SLC25A17: variants seen among roughly 807,000 people sequenced by gnomAD.
The protein encoded by SLC25A17 is solute carrier family 25 member 17.
A neutral mutation model predicts 38.5 loss-of-function variants in SLC25A17; 26 were observed. That is an observed-to-expected ratio of 0.68 (90% CI 0.50 to 0.94). SLC25A17 has a LOEUF of 0.94. Ranked by LOEUF, SLC25A17 falls within the 40% of genes least tolerant of loss-of-function variation. SLC25A17 has a pLI of 0.00. For synonymous variants in SLC25A17, 139 were observed against 136.2 expected (o/e 1.02, Z -0.14); for missense variants, 333 against 372.7 (o/e 0.89, Z 0.88).
rs150203846 is a variant in SLC25A17, at chr22:40,805,346, G to A, written c.55-6263C>T. 4.6e-5 allele frequency among the ~76,000 whole-genome samples: 7 copies of A among 152,328 alleles called. No individual in the cohort carries two copies. In the East Asian group the frequency reaches 1.4e-3, roughly 29 times the overall value. The stretch of plus-strand genomic sequence containing the variant: ...CTAGCCTGGGCAACAGAGTGAGTGA[G>A]ACTTCGTCTCAAAAAAAGATAGCAG... On this transcript the variant is annotated intron_variant, in intron 1 of 8. Transcript: ENST00000435456.
In SLC25A17 at chr22:40,819,340, G is replaced by C; in HGVS notation, c.-92C>G. 3 of 1,308,484 alleles carry C rather than the reference G, an allele frequency of 2.3e-6. No individual in the cohort carries two copies. Among genetic ancestry groups the C allele is most frequent in the South Asian group, 1.2e-5 (1 of 82,862 alleles). The allele number at this position is 1,308,484 out of a possible 1,614,324, so 81.1% of individuals were successfully genotyped here. On this transcript the variant is annotated 5_prime_UTR_variant, in exon 1 of 9. Transcript: ENST00000435456. ...AGGAGCACCGGAGCTCAGGGTGTGA[G>C]AGTCGCAATCCCCGCCCTCTCAAAC...
intron 1 of SLC25A17, among the ~76,000 whole-genome samples, chr22:40,818,880 G>C (rs541046411): frequency 6.6e-6 from 1 of 152,278 alleles, no homozygotes; most frequent in South Asian, 2.1e-4. Context: ...GTAAAGCAAA[G>C]TGTGTGAGTG....
intron 4 of SLC25A17, among the ~76,000 whole-genome samples, chr22:40,781,868 T>A (rs973951820): frequency 6.6e-6 from 1 of 151,944 alleles, no homozygotes; most frequent in African/African-American, 2.4e-5. Context: ...CAATTCCAAC[T>A]CCTGACAGGC....
intron 1 of SLC25A17, among the ~76,000 whole-genome samples, chr22:40,816,987 C>T (rs2057647704): frequency 6.6e-6 from 1 of 152,190 alleles, no homozygotes; most frequent in Non-Finnish European, 1.5e-5. Flanking sequence ...GTACTCCTTG[C>T]ACCTAGAACA....
intron 5 of SLC25A17, among the ~76,000 whole-genome samples, chr22:40,777,741 C>T (rs1172098508): frequency 2.0e-5 from 3 of 149,486 alleles, no homozygotes; most frequent in African/African-American, 7.4e-5. Context: ...AAGATTGTGC[C>T]ACTGCACTCC....
At position 40,792,605 on chromosome 22, in the gene SLC25A17, G is replaced by C; in HGVS notation, c.254C>G (p.Thr85Ser). The change falls in exon 4 of 9, where the codon ACT becomes AGT. Residue 85 changes from threonine (T) to serine (S), a missense_variant. By Grantham distance (58) the Thr-to-Ser change is moderately conservative. Coordinates refer to ENST00000435456, the MANE Select transcript of SLC25A17 (RefSeq NM_006358.4). Reference sequence around the variant, plus strand: ...CCAGAGTGCTTTGAGGCTATTAAAAGTGTAGAAATAGACAAAATTGGAGCA... The same window carrying C: ...CCAGAGTGCTTTGAGGCTATTAAAACTGTAGAAATAGACAAAATTGGAGCA... ...LCCSNFVYFY[T>S]FNSLKALWVK... 1.2e-6 allele frequency: 2 copies of C among 1,614,050 alleles called. No individual in the cohort carries two copies. The highest frequency in any genetic ancestry group is 1.1e-5 in the South Asian group (1 of 91,076).
At chr22:40,796,914 T>C (rs1291661384) in intron 2 of SLC25A17, among the ~76,000 whole-genome samples, 1 of 152,070 alleles carries the variant, frequency 6.6e-6, no homozygotes, top group African/African-American at 2.4e-5. Context: ...TCAGAAGGCA[T>C]CTAAAACATA....
At chr22:40,795,628 T>C (rs1245250742) in intron 2 of SLC25A17, among the ~76,000 whole-genome samples, 4 of 152,106 alleles carry the variant, frequency 2.6e-5, no homozygotes, top group South Asian at 2.1e-4. Context: ...CATAAAGCTC[T>C]CTTGTTTTAT....
intron 2 of SLC25A17, among the ~76,000 whole-genome samples, chr22:40,796,068 C>G (rs1429387065): frequency 6.6e-6 from 1 of 152,066 alleles, no homozygotes; most frequent in African/African-American, 2.4e-5. Flanking sequence ...GGATTACAGG[C>G]GTCAGCCACC....
chr22:40,785,690 A>T (rs906506413), intron 4 of SLC25A17, among the ~76,000 whole-genome samples: 32 of 152,172 alleles, frequency 2.1e-4, no homozygotes, highest in African/African-American at 7.7e-4. Context: ...TGAACAGAGA[A>T]ATGACATGAT....
At chr22:40,791,576 C>G (rs1243179918) in intron 4 of SLC25A17, among the ~76,000 whole-genome samples, 1 of 152,048 alleles carries the variant, frequency 6.6e-6, no homozygotes, top group Non-Finnish European at 1.5e-5. Context: ...AAAAAATAGA[C>G]AAAGAACCAG....
intron 7 of SLC25A17, among the ~76,000 whole-genome samples, chr22:40,774,692 T>C (rs1023545599): frequency 6.6e-6 from 1 of 152,234 alleles, no homozygotes; most frequent in Non-Finnish European, 1.5e-5. Context: ...ATTTAGAACA[T>C]CTGCAGTCTA....
chr22:40,775,243 T>C (rs1427517909), intron 7 of SLC25A17, among the ~76,000 whole-genome samples: 1 of 152,138 alleles, frequency 6.6e-6, no homozygotes, highest in Non-Finnish European at 1.5e-5. Context: ...ATAGAGGCCT[T>C]CTTTCAGTCC....
intron 2 of SLC25A17, 132 bp downstream of exon 2, chr22:40,798,891 C>A (rs948374575): frequency 2.0e-5 from 12 of 602,728 alleles, no homozygotes; most frequent in Non-Finnish European, 3.2e-5. Flanking sequence ...TGCAGTGAGC[C>A]GAGATCATGC....
chr22:40,771,739 G>A (rs2145638953), intron 8 of SLC25A17, among the ~76,000 whole-genome samples: 1 of 152,160 alleles, frequency 6.6e-6, no homozygotes, highest in Non-Finnish European at 1.5e-5. Context: ...GGGAAGGTGG[G>A]GATGGTTAAT....
intron 4 of SLC25A17, among the ~76,000 whole-genome samples, chr22:40,783,572 G>A (rs1360558610): frequency 6.6e-6 from 1 of 152,052 alleles, no homozygotes; most frequent in East Asian, 1.9e-4. Flanking sequence ...TCCCTCCTTA[G>A]CCTCCCAAGT....
chr22:40,808,321 A>G (rs2057548275), intron 1 of SLC25A17, among the ~76,000 whole-genome samples: 1 of 152,170 alleles, frequency 6.6e-6, no homozygotes, highest in African/African-American at 2.4e-5. Context: ...TGGCACTTGA[A>G]GCAGTGGAGT....
At position 40,777,216 on chromosome 22, in the gene SLC25A17, A is replaced by G; in HGVS notation, c.597+12T>C. The G allele has an allele frequency of 6.2e-7, 1 of 1,613,322 alleles. No individual in the cohort carries two copies. Among genetic ancestry groups the G allele is most frequent in the Admixed American group, 1.7e-5 (1 of 60,004 alleles). The stretch of plus-strand genomic sequence containing the variant: ...ACAGAATTATTTTACTGCTTTCAAA[A>G]TCAAGGATTACCTTCATCCGTTTCT... On this transcript the variant is annotated intron_variant, in intron 6 of 8. Transcript: ENST00000435456.
chr22:40,814,853 T>C (rs1398424950), intron 1 of SLC25A17, among the ~76,000 whole-genome samples: 1 of 151,462 alleles, frequency 6.6e-6, no homozygotes, highest in Admixed American at 6.6e-5. Context: ...GGAGTCTTGC[T>C]CTGTCGTCCA....
Sources: gnomAD v4.1 joint callset for allele counts (sites outside exome capture counted in the v4.1 genomes callset) on GRCh38, gnomAD v4.1.1 for gene constraint, MANE v1.5 for transcripts, NCBI Gene and HGNC (gene_info 2026-07-23, HGNC 2026-07-21) for gene names.